FMNL3: variants seen among roughly 807,000 people sequenced by gnomAD.
The protein encoded by FMNL3 is formin like 3.
FMNL3 carries 57 observed loss-of-function variants against 119.6 expected under a neutral mutation model. The ratio of observed to expected loss-of-function variants is 0.48; its 90% CI spans 0.39 to 0.59. The LOEUF is 0.59. Among genes scored for constraint, FMNL3 ranks in the 20% least tolerant of loss-of-function variants. The probability of loss-of-function intolerance (pLI) is 0.00; values close to 1 mark genes in which losing one functional copy is unlikely to be tolerated. For synonymous variants in FMNL3, 491 were observed against 507.3 expected (o/e 0.97, Z 0.43); for missense variants, 1,053 against 1,323.5 (o/e 0.80, Z 3.17).
In FMNL3 at chr12:49,652,324, C is replaced by T; in HGVS notation, c.1324-112G>A. The T allele has an allele frequency of 3.5e-6, 5 of 1,443,484 alleles. No homozygotes were observed. The South Asian group carries it at 5.9e-5, about 17-fold the overall frequency. The allele number at this position is 1,443,484 out of a possible 1,614,324, so 89.4% of individuals were successfully genotyped here. A position where few individuals can be genotyped will look rare whatever the true frequency, so the allele number is the denominator to read the frequency against. ...CTTAACGAGGGTCTCTGTCAGGGTACTCAGAGGCTCAGAGTGGCAGAAACC... is the reference window on the plus strand; with the variant it reads ...CTTAACGAGGGTCTCTGTCAGGGTATTCAGAGGCTCAGAGTGGCAGAAACC... On this transcript the variant is annotated intron_variant, in intron 13 of 25. Transcript: ENST00000335154.
intron 1 of FMNL3, among the ~76,000 whole-genome samples, chr12:49,684,041 A>G (rs2138962728): frequency 6.6e-6 from 1 of 152,212 alleles, no homozygotes. Flanking sequence ...CTGCATCTCT[A>G]CAGAACTGCA....
chr12:49,676,961 C>T, intron 1 of FMNL3, among the ~76,000 whole-genome samples: 1 of 152,184 alleles, frequency 6.6e-6, no homozygotes, highest in East Asian at 1.9e-4. Flanking sequence ...CAGGAATCAC[C>T]ATCAGCTTGT....
At chr12:49,648,961 C>T (rs1943303108) in intron 21 of FMNL3, 68 bp downstream of exon 21, 3 of 1,523,368 alleles carry the variant, frequency 2.0e-6, no homozygotes, top group Non-Finnish European at 2.6e-6. Context: ...GTTCTCTCTC[C>T]TCATAGCTTC....
intron 1 of FMNL3, among the ~76,000 whole-genome samples, chr12:49,703,254 C>G (rs1288652052): frequency 1.3e-5 from 2 of 152,184 alleles, no homozygotes; most frequent in Non-Finnish European, 1.5e-5. Flanking sequence ...CCTCCCCTCT[C>G]TATGGAAAGT....
At chr12:49,704,734 A>G (rs944915585) in intron 1 of FMNL3, among the ~76,000 whole-genome samples, 2 of 149,972 alleles carry the variant, frequency 1.3e-5, no homozygotes, top group African/African-American at 5.0e-5. Context: ...AAAAAAAAAA[A>G]AAGAAGCTAA....
chr12:49,690,501 T>C (rs1027728427), intron 1 of FMNL3, among the ~76,000 whole-genome samples: 2 of 152,206 alleles, frequency 1.3e-5, no homozygotes, highest in Non-Finnish European at 2.9e-5. Flanking sequence ...AAGGAATTCT[T>C]AGATTTTTCA....
chr12:49,666,647 T>C (rs1943898894), intron 2 of FMNL3, among the ~76,000 whole-genome samples: 1 of 151,906 alleles, frequency 6.6e-6, no homozygotes, highest in African/African-American at 2.4e-5. Flanking sequence ...CTTTAAAAAA[T>C]TAGCCAGGCA....
In FMNL3 at chr12:49,645,580, C is replaced by A; in HGVS notation, c.*235G>T. 1 of 499,386 alleles carries A rather than the reference C, an allele frequency of 2.0e-6. No individual in the cohort carries two copies. Among genetic ancestry groups the A allele is most frequent in the Non-Finnish European group, 3.5e-6 (1 of 285,894 alleles). The allele number at this position is 499,386 out of a possible 1,614,324, so 30.9% of individuals were successfully genotyped here. A position where few individuals can be genotyped will look rare whatever the true frequency, so the allele number is the denominator to read the frequency against. ...CTAGCCCTGAGCTGACCCTTGGTGACCCTTCAGGAAATGAAGTCAAAGACC... is the reference window on the plus strand; with the variant it reads ...CTAGCCCTGAGCTGACCCTTGGTGAACCTTCAGGAAATGAAGTCAAAGACC... On this transcript the variant is annotated 3_prime_UTR_variant, in exon 26 of 26. Transcript: ENST00000335154.
intron 13 of FMNL3, among the ~76,000 whole-genome samples, chr12:49,652,491 G>A (rs990161102): frequency 2.6e-5 from 4 of 152,174 alleles, no homozygotes; most frequent in Admixed American, 2.6e-4. Flanking sequence ...AGGAAAAAAG[G>A]TTGCCCCTGT....
chr12:49,651,545 A>T, intron 14 of FMNL3, 95 bp from the exon 15 acceptor site: 1 of 786,662 alleles, frequency 1.3e-6, no homozygotes, highest in Non-Finnish European at 1.7e-6. Context: ...CTGAGAGTTA[A>T]AAAAAAAAAA....
intron 1 of FMNL3, among the ~76,000 whole-genome samples, chr12:49,698,495 G>A (rs1326328759): frequency 6.7e-6 from 1 of 149,622 alleles, no homozygotes; most frequent in Non-Finnish European, 1.5e-5. Context: ...TAGTAAAGCT[G>A]CAGGAGGGGA....
chr12:49,669,968 CAA>C (rs1944000511), intron 1 of FMNL3, among the ~76,000 whole-genome samples: 1 of 152,260 alleles, frequency 6.6e-6, no homozygotes, highest in Non-Finnish European at 1.5e-5. Context: ...ATCGCCTACC[CAA>C]AGTGTCGCAG....
At chr12:49,651,046 G>T in intron 16 of FMNL3, 122 bp downstream of exon 16, 2 of 1,479,824 alleles carry the variant, frequency 1.4e-6, no homozygotes, top group South Asian at 2.5e-5. Flanking sequence ...AAGAATGAAG[G>T]GTTGGTGGAG....
At position 49,682,329 on chromosome 12, in the gene FMNL3, CA is replaced by C. The variant is rs545637653; in HGVS notation, c.127-13776del. ...TCGTGATCCACCTGCCTCGGCCTCCCAAAGTGCTGGGATTACAGGCGTGAGC... is the reference window on the plus strand; with the variant it reads ...TCGTGATCCACCTGCCTCGGCCTCCCAAGTGCTGGGATTACAGGCGTGAGC... On this transcript the variant is annotated intron_variant, in intron 1 of 25. Coordinates refer to ENST00000335154, the MANE Select transcript of FMNL3 (RefSeq NM_175736.5). Among the ~76,000 whole-genome samples the C allele has an allele frequency of 5.4e-4, 82 of 152,094 alleles. No homozygotes were observed. In the Middle Eastern group the frequency reaches 0.01, roughly 19 times the overall value.
intron 17 of FMNL3, among the ~76,000 whole-genome samples, chr12:49,650,350 C>A: frequency 6.6e-6 from 1 of 152,212 alleles, no homozygotes; most frequent in East Asian, 1.9e-4. Context: ...GACATTACCT[C>A]CTCTGGGAAG....
At chr12:49,688,991 G>C (rs1944536799) in intron 1 of FMNL3, among the ~76,000 whole-genome samples, 2 of 152,206 alleles carry the variant, frequency 1.3e-5, no homozygotes, top group African/African-American at 4.8e-5. Flanking sequence ...GGTGGCTCAT[G>C]CCTGTAATCT....
chr12:49,663,466 G>A (rs766958929), intron 4 of FMNL3, among the ~76,000 whole-genome samples: 3 of 152,144 alleles, frequency 2.0e-5, no homozygotes, highest in Non-Finnish European at 4.4e-5. Context: ...CCTTGCCCTG[G>A]GTTCCTGCCA....
chr12:49,637,655 C>A lies in FMNL3; in HGVS notation c.*8160G>T. 6.4e-7 allele frequency: 1 copy of A among 1,559,198 alleles called. No homozygotes were observed. The highest frequency in any genetic ancestry group is 1.7e-5 in the Admixed American group (1 of 58,790). On this transcript the variant is annotated 3_prime_UTR_variant, in exon 26 of 26. Coordinates refer to ENST00000335154, the MANE Select transcript of FMNL3 (RefSeq NM_175736.5). ...GCCAGCCTCTCTGCACCCCCTACTACCGGCTCCTGTCCTCGGCCCAGCCCC... is the reference window on the plus strand; with the variant it reads ...GCCAGCCTCTCTGCACCCCCTACTAACGGCTCCTGTCCTCGGCCCAGCCCC...
At position 49,654,216 on chromosome 12, in the gene FMNL3, C is replaced by T. The variant is rs377062498; in HGVS notation, c.1047G>A (p.Lys349=). Residue 349 remains lysine (K), a synonymous_variant, in exon 11 of 26, where the codon AAG becomes AAA. Coordinates refer to ENST00000335154, the MANE Select transcript of FMNL3 (RefSeq NM_175736.5). ...CCTGCAGGAACTCCTCTAGCCCCAGCTTGGTAAACTCATACTGCAGGTGGA... is the reference window on the plus strand; with the variant it reads ...CCTGCAGGAACTCCTCTAGCCCCAGTTTGGTAAACTCATACTGCAGGTGGA... ...FRVHLQYEFT[K]LGLEEFLQKS... The T allele has an allele frequency of 6.2e-7, 1 of 1,614,056 alleles. No homozygotes were observed. Among genetic ancestry groups the T allele is most frequent in the African/African-American group, 1.3e-5 (1 of 74,930 alleles).
Sources: gnomAD v4.1 joint callset for allele counts (sites outside exome capture counted in the v4.1 genomes callset) on GRCh38, gnomAD v4.1.1 for gene constraint, MANE v1.5 for transcripts, NCBI Gene and HGNC (gene_info 2026-07-23, HGNC 2026-07-21) for gene names.